NBEA: variants seen among roughly 807,000 people sequenced by gnomAD.
NBEA encodes the protein neurobeachin, also known as lysosomal-trafficking regulator 2.
NBEA carries 44 observed loss-of-function variants against 343.4 expected under a neutral mutation model. That is an observed-to-expected ratio of 0.13 (90% CI 0.10 to 0.16). The LOEUF (loss-of-function observed/expected upper bound fraction) is 0.16, where lower values mean the gene tolerates loss of function less well. Ranked by LOEUF, NBEA falls within the 10% of genes least tolerant of loss-of-function variation. The probability of loss-of-function intolerance (pLI) is 1.00; values close to 1 mark genes in which losing one functional copy is unlikely to be tolerated. For missense variants in NBEA, 2,555 were observed against 3,631.3 expected, an observed-to-expected ratio of 0.70 and a Z score of 7.62; for synonymous variants, 1,175 against 1,238.7, an observed-to-expected ratio of 0.95 and a Z score of 1.08.
intron 10 of NBEA, among the ~76,000 whole-genome samples, chr13:35,079,784 G>T (rs1304370631): frequency 2.0e-5 from 3 of 152,110 alleles, no homozygotes; most frequent in Non-Finnish European, 4.4e-5. Context: ...TATCTAGAAA[G>T]TAGGTTAGGT....
chr13:35,526,273 A>G lies in NBEA; in HGVS notation c.6586-24204A>G, dbSNP rs146377907. Among the ~76,000 whole-genome samples the G allele has an allele frequency of 6.0e-3, 911 of 152,310 alleles. 6 individuals carry two copies. Among genetic ancestry groups the G allele is most frequent in the African/African-American group, 0.021 (856 of 41,576 alleles). The stretch of plus-strand genomic sequence containing the variant: ...ATCAGTAGAAAAACCAACCAATGTC[A>G]TGTACTCAACTGCCCAACTTTAACA... On this transcript the variant is annotated intron_variant, in intron 41 of 58. Coordinates refer to ENST00000379939, the MANE Select transcript of NBEA (RefSeq NM_001385012.1).
intron 10 of NBEA, among the ~76,000 whole-genome samples, chr13:35,086,762 T>C (rs1157436724): frequency 6.6e-6 from 1 of 151,870 alleles, no homozygotes; most frequent in South Asian, 2.1e-4. Flanking sequence ...TGTATTAATT[T>C]ACAGTGTGCA....
intron 10 of NBEA, among the ~76,000 whole-genome samples, chr13:35,073,072 G>T (rs1446791768): frequency 1.3e-5 from 2 of 152,088 alleles, no homozygotes; most frequent in East Asian, 1.9e-4. Context: ...ACAGTCTTTT[G>T]TTATTTAATG....
chr13:35,352,985 A>C (rs1207699889), intron 38 of NBEA, among the ~76,000 whole-genome samples: 1 of 152,148 alleles, frequency 6.6e-6, no homozygotes, highest in Non-Finnish European at 1.5e-5. Flanking sequence ...ACAGGTCACT[A>C]TATTTAGATT....
At chr13:34,980,086 G>A (rs2060306826) in intron 1 of NBEA, among the ~76,000 whole-genome samples, 2 of 152,090 alleles carry the variant, frequency 1.3e-5, no homozygotes, top group Admixed American at 1.3e-4. Context: ...GTGTACTGTG[G>A]TGTCTCAATT....
intron 16 of NBEA, 47 bp downstream of exon 16, chr13:35,118,521 G>C: frequency 7.4e-7 from 1 of 1,355,090 alleles, no homozygotes; most frequent in Non-Finnish European, 1.0e-6. Flanking sequence ...ATGGAGCACA[G>C]TTGTTCCTCC....
intron 41 of NBEA, chr13:35,476,134 A>G (rs145737012): frequency 1.8e-4 from 295 of 1,614,030 alleles, no homozygotes; most frequent in Middle Eastern, 9.9e-4. Context: ...CTGGGCCGCA[A>G]TCATGTTGGG....
chr13:35,225,824 A>C (rs2152765001), intron 33 of NBEA, among the ~76,000 whole-genome samples: 1 of 152,210 alleles, frequency 6.6e-6, no homozygotes, highest in South Asian at 2.1e-4. Flanking sequence ...TTGGTTACCT[A>C]GCAACCTCAG....
chr13:34,983,648 A>C lies in NBEA; in HGVS notation c.294+40534A>C, dbSNP rs1049913793. ...TTTACACTCTCACCAACAGTGTAAAATTATTCCTATTTCTCCACATCCTCT... is the reference window on the plus strand; with the variant it reads ...TTTACACTCTCACCAACAGTGTAAACTTATTCCTATTTCTCCACATCCTCT... On this transcript the variant is annotated intron_variant, in intron 1 of 58. Transcript: ENST00000379939. Among the ~76,000 whole-genome samples, 5 of 152,154 alleles carry C rather than the reference A, an allele frequency of 3.3e-5. No homozygotes were observed. The East Asian group carries it at 9.6e-4, about 29-fold the overall frequency.
chr13:35,334,646 T>A (rs2152851658), intron 36 of NBEA, among the ~76,000 whole-genome samples: 1 of 152,312 alleles, frequency 6.6e-6, no homozygotes, highest in South Asian at 2.1e-4. Context: ...TTGCCATTCG[T>A]GTGTCTTCTT....
chr13:34,994,745 C>T (rs1775694821), intron 1 of NBEA, among the ~76,000 whole-genome samples: 1 of 152,136 alleles, frequency 6.6e-6, no homozygotes. Flanking sequence ...ACAGGGAATT[C>T]AGCTAAAATA....
chr13:35,481,382 A>T (rs2152966943), intron 41 of NBEA, among the ~76,000 whole-genome samples: 1 of 151,958 alleles, frequency 6.6e-6, no homozygotes, highest in African/African-American at 2.4e-5. Flanking sequence ...TTATTTTCAT[A>T]ATTGTCTCTG....
At chr13:35,300,364 G>C (rs1228510943) in intron 35 of NBEA, among the ~76,000 whole-genome samples, 1 of 152,072 alleles carries the variant, frequency 6.6e-6, no homozygotes. Context: ...ATTATAAAAA[G>C]AAATGTGCAT....
Position 35,326,736 on chromosome 13 carries a change from CCA to C in NBEA, c.5903+17145_5903+17146del, listed in dbSNP as rs1404387119. On this transcript the variant is annotated intron_variant, in intron 36 of 58. Transcript: ENST00000379939. ...TTCCAGTTCTCAAGTGGAATTATTC[CCA>C]TTCAGTAAGTCCTCAAAAGCAATTA... is the stretch of plus-strand genomic sequence containing the variant. Among the ~76,000 whole-genome samples the C allele has an allele frequency of 2.6e-5, 4 of 151,790 alleles. No homozygotes were observed. The East Asian group carries it at 7.7e-4, about 29-fold the overall frequency.
chr13:35,184,723 T>C (rs886475518), intron 30 of NBEA, among the ~76,000 whole-genome samples: 6 of 151,914 alleles, frequency 3.9e-5, no homozygotes, highest in Non-Finnish European at 5.9e-5. Context: ...AGTTAACATA[T>C]TGAAGAGAGA....
Position 34,954,360 on chromosome 13 carries a change from T to A in NBEA, c.294+11246T>A, listed in dbSNP as rs149136738. 3.3e-5 allele frequency among the ~76,000 whole-genome samples: 5 copies of A among 152,294 alleles called. No homozygotes were observed. The East Asian group carries it at 7.7e-4, about 23-fold the overall frequency. On this transcript the variant is annotated intron_variant, in intron 1 of 58. Transcript: ENST00000379939. ...TGAGGATCAGCACATTATCTTACCT[T>A]GCTATTATGAGTATTTAACATAGTA...
intron 1 of NBEA, among the ~76,000 whole-genome samples, chr13:35,023,720 C>A (rs2061924249): frequency 6.6e-6 from 1 of 152,138 alleles, no homozygotes; most frequent in Admixed American, 6.6e-5. Context: ...CAAAGTAGAA[C>A]ATGGCAGAAG....
chr13:35,314,247 G>A (rs374690577), intron 36 of NBEA, among the ~76,000 whole-genome samples: 1 of 152,084 alleles, frequency 6.6e-6, no homozygotes, highest in Non-Finnish European at 1.5e-5. Context: ...TGAAAATAGC[G>A]ATTGTAAAAG....
At position 35,049,846 on chromosome 13, in the gene NBEA, G is replaced by A. The variant is rs2063002267; in HGVS notation, c.846-423G>A. On this transcript the variant is annotated intron_variant, in intron 5 of 58. Coordinates refer to ENST00000379939, the MANE Select transcript of NBEA (RefSeq NM_001385012.1). ...ATTTATCAAACTTGACTCTGACCAAGTTTTTTTTTCTTTTTCTTTTTAATT... is the reference window on the plus strand; with the variant it reads ...ATTTATCAAACTTGACTCTGACCAAATTTTTTTTTCTTTTTCTTTTTAATT... Among the ~76,000 whole-genome samples the A allele has an allele frequency of 2.0e-5, 3 of 149,086 alleles. No individual in the cohort carries two copies. The Admixed American group carries it at 2.1e-4, about 11-fold the overall frequency.
Sources: allele counts gnomAD v4.1 joint callset (sites outside exome capture counted in the v4.1 genomes callset), GRCh38; gene constraint gnomAD v4.1.1; transcripts MANE v1.5; gene names NCBI Gene and HGNC (gene_info 2026-07-23, HGNC 2026-07-21).